Variants in TFAP2D observed in about 807,000 individuals in gnomAD.
TFAP2D encodes the protein transcription factor AP-2-delta.
In TFAP2D, 9 loss-of-function variants were observed where a neutral mutation model predicts 43.6. The observed-to-expected ratio is 0.21, with a 90% CI of 0.12 to 0.36. The LOEUF is 0.36. Ranked by LOEUF, TFAP2D falls within the 10% of genes least tolerant of loss-of-function variation. TFAP2D has a pLI of 1.00. For synonymous variants in TFAP2D, 256 were observed against 224.9 expected, an observed-to-expected ratio of 1.14 and a Z score of -1.24; for missense variants, 513 against 561.4, an observed-to-expected ratio of 0.91 and a Z score of 0.87.
intron 7 of TFAP2D, among the ~76,000 whole-genome samples, chr6:50,754,688 T>G (rs1769241576): frequency 6.6e-6 from 1 of 151,936 alleles, no homozygotes; most frequent in Non-Finnish European, 1.5e-5. Flanking sequence ...GGGTATGAGG[T>G]GATATTTCAT....
At chr6:50,754,631 G>A (rs920806958) in intron 7 of TFAP2D, among the ~76,000 whole-genome samples, 4 of 151,728 alleles carry the variant, frequency 2.6e-5, no homozygotes, top group African/African-American at 7.3e-5. Context: ...AATAATGTAC[G>A]GGGTGTCTAT....
In TFAP2D at chr6:50,772,353, C is replaced by T. The variant is rs149338621; in HGVS notation, c.1140-292C>T. Among the ~76,000 whole-genome samples the T allele has an allele frequency of 2.6e-3, 398 of 152,208 alleles. 1 individual carries two copies. Among genetic ancestry groups the T allele is most frequent in the African/African-American group, 9.0e-3 (374 of 41,540 alleles). On this transcript the variant is annotated intron_variant, in intron 7 of 7. Transcript: ENST00000008391. ...CATGTATACATATGTAACAAACCTGCACGTTGTGCACATGTACCCTAGAAC... is the reference window on the plus strand; with the variant it reads ...CATGTATACATATGTAACAAACCTGTACGTTGTGCACATGTACCCTAGAAC...
chr6:50,769,579 T>C (rs1473222887), intron 7 of TFAP2D, among the ~76,000 whole-genome samples: 1 of 152,220 alleles, frequency 6.6e-6, no homozygotes, highest in Non-Finnish European at 1.5e-5. Flanking sequence ...ACTACCTACC[T>C]GTGCTTGATT....
intron 1 of TFAP2D, 38 bp downstream of exon 1, chr6:50,714,132 CGT>C: frequency 6.5e-7 from 1 of 1,542,334 alleles, no homozygotes; most frequent in East Asian, 2.3e-5. Flanking sequence ...TTTGAGCGCG[CGT>C]GTGTGTGGCG....
At chr6:50,750,286 CG>C (rs1007327634) in intron 6 of TFAP2D, among the ~76,000 whole-genome samples, 1 of 151,764 alleles carries the variant, frequency 6.6e-6, no homozygotes, top group African/African-American at 2.4e-5. Flanking sequence ...TACATTTTTG[CG>C]ACTGCCCATT....
At chr6:50,758,669 C>A (rs922880936) in intron 7 of TFAP2D, among the ~76,000 whole-genome samples, 24 of 151,916 alleles carry the variant, frequency 1.6e-4, no homozygotes, top group African/African-American at 5.8e-4. Flanking sequence ...CTCCAAGAAG[C>A]CTAAAGTGTG....
At chr6:50,764,349 A>C (rs1769411163) in intron 7 of TFAP2D, among the ~76,000 whole-genome samples, 1 of 152,094 alleles carries the variant, frequency 6.6e-6, no homozygotes, top group Non-Finnish European at 1.5e-5. Context: ...CTAACAGAAT[A>C]CTCTTCCCTG....
At chr6:50,725,140 T>C (rs559075242) in intron 3 of TFAP2D, among the ~76,000 whole-genome samples, 2 of 152,300 alleles carry the variant, frequency 1.3e-5, no homozygotes, top group Middle Eastern at 3.4e-3. Context: ...CACCCCATGC[T>C]TCTTCAAACC....
At chr6:50,721,903 A>T (rs1768730376) in intron 3 of TFAP2D, among the ~76,000 whole-genome samples, 1 of 152,240 alleles carries the variant, frequency 6.6e-6, no homozygotes, top group African/African-American at 2.4e-5. Context: ...ATGTTCTTGA[A>T]GAAATATGGG....
At chr6:50,762,993 C>T (rs1240470094) in intron 7 of TFAP2D, among the ~76,000 whole-genome samples, 4 of 152,066 alleles carry the variant, frequency 2.6e-5, no homozygotes, top group East Asian at 1.9e-4. Context: ...TTACTGATTT[C>T]GTAAAGCTCT....
Position 50,758,144 on chromosome 6 carries a change from C to T in TFAP2D, c.1139+6820C>T, listed in dbSNP as rs1246666382. 2.6e-5 allele frequency among the ~76,000 whole-genome samples: 4 copies of T among 151,640 alleles called. No homozygotes were observed. In the East Asian group the frequency reaches 7.8e-4, roughly 30 times the overall value. On this transcript the variant is annotated intron_variant, in intron 7 of 7. Coordinates refer to ENST00000008391, the MANE Select transcript of TFAP2D (RefSeq NM_172238.4). ...CTCATAAATTATCCTGACAGCCTAC[C>T]TTCTTAGAAATATACCCTCTTACTA...
intron 6 of TFAP2D, among the ~76,000 whole-genome samples, chr6:50,748,328 A>G (rs1299093734): frequency 1.3e-5 from 2 of 152,024 alleles, no homozygotes; most frequent in Non-Finnish European, 2.9e-5. Context: ...TAAGTAGCCT[A>G]TATGGATATT....
At chr6:50,715,894 C>G (rs910044530) in intron 2 of TFAP2D, among the ~76,000 whole-genome samples, 9 of 152,088 alleles carry the variant, frequency 5.9e-5, no homozygotes, top group Admixed American at 3.9e-4. Flanking sequence ...TGCGGCCCTC[C>G]ATCTTTGGTT....
In TFAP2D at chr6:50,715,341, G is replaced by T; in HGVS notation, c.265G>T (p.Ala89Ser). The T allele has an allele frequency of 3.7e-6, 6 of 1,613,974 alleles. No homozygotes were observed. Among genetic ancestry groups the T allele is most frequent in the Non-Finnish European group, 5.1e-6 (6 of 1,180,000 alleles). Reference sequence around the variant, plus strand: ...CAGCCACCCGGCCGTCACCCCCGACGCCTACTCTCTGAACTCTCTCCACCA... The same window carrying T: ...CAGCCACCCGGCCGTCACCCCCGACTCCTACTCTCTGAACTCTCTCCACCA... ...QHSHPAVTPD[A>S]YSLNSLHHSQ... Residue 89 changes from alanine to serine, a missense_variant, in exon 2 of 8, where the codon GCC becomes TCC. By Grantham distance (99) the Ala-to-Ser change is moderately conservative. Transcript: ENST00000008391.
At chr6:50,718,132 T>TG (rs59898672) in intron 2 of TFAP2D, 1 of 150,584 alleles carries the variant, frequency 6.6e-6, no homozygotes, top group African/African-American at 2.5e-5. Flanking sequence ...TTTTTTTTTT[T>TG]CATATTGATT....
chr6:50,772,699 C>T lies in TFAP2D; in HGVS notation c.1194C>T (p.Phe398=), dbSNP rs533144826. Residue 398 remains phenylalanine, a synonymous_variant, in exon 8 of 8, where the codon TTC becomes TTT. Transcript: ENST00000008391. ...TPAICAALST[F]QTVLSEMLNY... is the part of the protein sequence containing the mutation. Reference sequence around the variant, plus strand: ...CAATATGTGCAGCTCTAAGCACTTTCCAAACAGTTCTCAGTGAAATGCTGA... The same window carrying T: ...CAATATGTGCAGCTCTAAGCACTTTTCAAACAGTTCTCAGTGAAATGCTGA... The T allele has an allele frequency of 3.1e-5, 50 of 1,614,134 alleles. 1 individual carries two copies. In the South Asian group the frequency reaches 5.4e-4, roughly 17 times the overall value.
At chr6:50,717,571 C>T (rs1411536772) in intron 2 of TFAP2D, among the ~76,000 whole-genome samples, 3 of 152,076 alleles carry the variant, frequency 2.0e-5, no homozygotes, top group African/African-American at 7.2e-5. Context: ...CATACTGAAG[C>T]AAAATTACTC....
At chr6:50,748,699 T>A (rs1769159009) in intron 6 of TFAP2D, among the ~76,000 whole-genome samples, 1 of 151,962 alleles carries the variant, frequency 6.6e-6, no homozygotes, top group Non-Finnish European at 1.5e-5. Context: ...ACGTGTTTAT[T>A]TGGTTAATAG....
At chr6:50,750,354 A>C (rs935232578) in intron 6 of TFAP2D, among the ~76,000 whole-genome samples, 3 of 151,952 alleles carry the variant, frequency 2.0e-5, no homozygotes, top group Admixed American at 6.6e-5. Flanking sequence ...TTATGGAGTC[A>C]CCTCACTTTA....
Sources: gnomAD v4.1 joint callset for allele counts (sites outside exome capture counted in the v4.1 genomes callset) on GRCh38, gnomAD v4.1.1 for gene constraint, MANE v1.5 for transcripts, NCBI Gene and HGNC (gene_info 2026-07-23, HGNC 2026-07-21) for gene names.